Variants in RELCH observed in about 807,000 individuals in gnomAD.
RELCH encodes the protein RAB11-binding protein RELCH.
Under a neutral mutation model 150.3 loss-of-function variants are expected in RELCH, and 41 were observed. That is an observed-to-expected ratio of 0.27 (90% confidence interval 0.21 to 0.35). The LOEUF is 0.35. Among genes scored for constraint, RELCH ranks in the 10% least tolerant of loss-of-function variants. The pLI, the probability that RELCH is intolerant of heterozygous loss-of-function variation, is 1.00. For missense variants in RELCH, 1,092 were observed against 1,467.8 expected (o/e 0.74, Z 4.18); for synonymous variants, 478 against 531.8 (o/e 0.90, Z 1.39).
rs568581673 is a variant in RELCH at position 62,266,347 on chromosome 18, T to G, written c.2632-354T>G. Among the ~76,000 whole-genome samples the G allele has an allele frequency of 1.8e-4, 28 of 151,994 alleles. No homozygotes were observed. In the South Asian group the frequency reaches 5.6e-3, roughly 30 times the overall value. On this transcript the variant is annotated intron_variant, in intron 18 of 28. Transcript: ENST00000644646. ...TTTCGATAATTCTAACCATGTAATATCTACCTAAATAATCCTTCTATAACC... is the reference window on the plus strand; with the variant it reads ...TTTCGATAATTCTAACCATGTAATAGCTACCTAAATAATCCTTCTATAACC...
At chr18:62,277,383 G>A (rs1367574284) in intron 22 of RELCH, among the ~76,000 whole-genome samples, 4 of 152,022 alleles carry the variant, frequency 2.6e-5, no homozygotes, top group African/African-American at 9.7e-5. Context: ...CAATGAGCAT[G>A]TCAGTAAAAG....
chr18:62,251,824 G>A (rs2042717844), intron 11 of RELCH, among the ~76,000 whole-genome samples: 1 of 152,108 alleles, frequency 6.6e-6, no homozygotes, highest in Non-Finnish European at 1.5e-5. Context: ...ATCTCAGAAT[G>A]TATGTGTGGG....
chr18:62,282,061 A>C (rs1314384303), intron 24 of RELCH, among the ~76,000 whole-genome samples: 1 of 152,182 alleles, frequency 6.6e-6, no homozygotes, highest in Non-Finnish European at 1.5e-5. Flanking sequence ...TTTTGTTGTT[A>C]TAATTTGTTC....
intron 28 of RELCH, among the ~76,000 whole-genome samples, chr18:62,299,280 A>G (rs2045559373): frequency 6.6e-6 from 1 of 152,214 alleles, no homozygotes; most frequent in East Asian, 1.9e-4. Context: ...CTTCTAATCA[A>G]ACTAATTGGA....
At chr18:62,195,943 G>C (rs572704323) in intron 1 of RELCH, among the ~76,000 whole-genome samples, 57 of 152,198 alleles carry the variant, frequency 3.7e-4, no homozygotes, top group Non-Finnish European at 1.6e-4. Flanking sequence ...TGATCCGCCC[G>C]CCTCGGCCTC....
intron 2 of RELCH, among the ~76,000 whole-genome samples, chr18:62,215,320 A>G (rs907889275): frequency 2.0e-5 from 3 of 152,150 alleles, no homozygotes; most frequent in African/African-American, 7.2e-5. Context: ...TTATTTTCCT[A>G]TAGCAATGCT....
Position 62,305,327 on chromosome 18 carries a change from T to C in RELCH, c.3531-87T>C, listed in dbSNP as rs868494053. 3.6e-5 allele frequency: 41 copies of C among 1,142,792 alleles called. No homozygotes were observed. The Middle Eastern group carries it at 3.7e-3, about 104-fold the overall frequency. 70.8% of individuals were successfully genotyped at this position (1,142,792 alleles called of 1,614,324 possible). A position where few individuals can be genotyped will look rare whatever the true frequency, so the allele number is the denominator to read the frequency against. ...TCCCTTTTGTGACGCCAATTCAGAGTGTGTTCGTTAATGATATGCTACTAA... is the reference window on the plus strand; with the variant it reads ...TCCCTTTTGTGACGCCAATTCAGAGCGTGTTCGTTAATGATATGCTACTAA... On this transcript the variant is annotated intron_variant, in intron 28 of 28. Coordinates refer to ENST00000644646, the MANE Select transcript of RELCH (RefSeq NM_001346231.2). The surrounding 1 kb of genome is among the most constrained non-coding windows in gnomAD (Gnocchi z 4.0).
At chr18:62,196,505 C>T (rs1375879600) in intron 1 of RELCH, among the ~76,000 whole-genome samples, 2 of 152,232 alleles carry the variant, frequency 1.3e-5, no homozygotes, top group African/African-American at 4.8e-5. Context: ...GCTGGGATTA[C>T]AGGCGTGAGC....
In RELCH at chr18:62,228,533, AAG is replaced by A; in HGVS notation, c.1387_1388del (p.Glu463ArgfsTer10). 1 of 1,613,130 alleles carries A rather than the reference AAG, an allele frequency of 6.2e-7. No individual in the cohort carries two copies. Among genetic ancestry groups the A allele is most frequent in the Non-Finnish European group, 8.5e-7 (1 of 1,179,500 alleles). On this transcript the variant is annotated frameshift_variant, in exon 8 of 29. Transcript: ENST00000644646. LOFTEE classifies it high-confidence loss of function. ...NSPNSFPRREREGMPPSSLSS... is the reference protein window; with the variant it reads ...NSPNSFPRREXEGMPPSSLSS... ...CCCCAAATTCATTCCCCAGGAGAGA[AAG>A]AGAAGGAATGCCACCTTCTTCTCTA...
chr18:62,252,326 T>C (rs1266022034), intron 11 of RELCH, among the ~76,000 whole-genome samples: 1 of 151,944 alleles, frequency 6.6e-6, no homozygotes, highest in Admixed American at 6.6e-5. Flanking sequence ...AAAACCAGAC[T>C]GTGCAACATG....
chr18:62,195,695 CCTTTTTTTTTT>C (rs944236245), intron 1 of RELCH, among the ~76,000 whole-genome samples: 1 of 151,516 alleles, frequency 6.6e-6, no homozygotes, highest in Non-Finnish European at 1.5e-5. Context: ...AAATCATCTT[CCTTTTTTTTTT>C]CTTTTTTTTT....
chr18:62,288,818 CAAGTAAG>C (rs1450316823), intron 26 of RELCH, among the ~76,000 whole-genome samples: 1 of 152,024 alleles, frequency 6.6e-6, no homozygotes, highest in Non-Finnish European at 1.5e-5. Context: ...TCTGAATTAG[CAAGTAAG>C]AATTCTTTAG....
chr18:62,208,496 T>A (rs1320417516), intron 1 of RELCH, among the ~76,000 whole-genome samples: 1 of 152,160 alleles, frequency 6.6e-6, no homozygotes, highest in African/African-American at 2.4e-5. Flanking sequence ...TATTACCTCA[T>A]GGTTCTTTTT....
At chr18:62,227,529 A>G in intron 6 of RELCH, 37 bp downstream of exon 6, 1 of 1,584,684 alleles carries the variant, frequency 6.3e-7, no homozygotes, top group Non-Finnish European at 8.7e-7. Context: ...GTCCACAGAA[A>G]GTATTTAAAC....
rs1315158954 is a variant in RELCH at position 62,274,058 on chromosome 18, A to G, written c.2839A>G (p.Ser947Gly). Residue 947 changes from serine to glycine, a missense_variant, in exon 21 of 29, where the codon AGC (serine) becomes GGC (glycine). Ser to Gly is a moderately conservative substitution (Grantham distance 56). Transcript: ENST00000644646. ...LLSLSHAPLD[S>G]LKASFVELGA... is the part of the protein sequence containing the mutation. ...TTCATTATCTCATGCTCCTCTTGAT[A>G]GCCTGAAGGCTTCTTTTGTGGAATT... 1.4e-5 allele frequency: 23 copies of G among 1,612,252 alleles called. No homozygotes were observed. Among genetic ancestry groups the G allele is most frequent in the Non-Finnish European group, 2.0e-5 (23 of 1,178,596 alleles).
chr18:62,242,484 G>A (rs1428603589), intron 10 of RELCH, among the ~76,000 whole-genome samples: 1 of 152,158 alleles, frequency 6.6e-6, no homozygotes, highest in African/African-American at 2.4e-5. Flanking sequence ...TGTATGTGAA[G>A]TGTTTTCCAT....
At chr18:62,282,521 T>C (rs1211732034) in intron 25 of RELCH, 77 bp downstream of exon 25, 3 of 1,453,734 alleles carry the variant, frequency 2.1e-6, no homozygotes, top group African/African-American at 2.9e-5. Context: ...GGCCTTGTCA[T>C]GTATTAAAAT....
intron 25 of RELCH, among the ~76,000 whole-genome samples, chr18:62,286,630 T>G (rs1415971946): frequency 1.3e-5 from 2 of 152,114 alleles, no homozygotes; most frequent in Non-Finnish European, 1.5e-5. Flanking sequence ...GATTAACAAT[T>G]TAACAATCAC....
At chr18:62,226,322 A>G (rs1405177680) in intron 5 of RELCH, among the ~76,000 whole-genome samples, 3 of 152,048 alleles carry the variant, frequency 2.0e-5, no homozygotes, top group African/African-American at 7.2e-5. Context: ...TGTACTTTTA[A>G]TAAAACTGTT....
Sources: gnomAD v4.1 joint callset for allele counts (sites outside exome capture counted in the v4.1 genomes callset) on GRCh38, gnomAD v4.1.1 for gene constraint, Gnocchi (gnomAD v3.1) non-coding constraint, MANE v1.5 for transcripts, NCBI Gene and HGNC (gene_info 2026-07-23, HGNC 2026-07-21) for gene names.